RBFOX1: variants seen among roughly 807,000 people sequenced by gnomAD.
RBFOX1 encodes RNA binding fox-1 homolog 1, also known as RNA binding protein fox-1 homolog 1.
RBFOX1 carries 8 observed loss-of-function variants against 57.7 expected under a neutral mutation model. The ratio of observed to expected loss-of-function variants is 0.14; its 90% CI spans 0.08 to 0.25. The LOEUF is 0.25. RBFOX1 is among the 10% of genes least tolerant of loss of function. The probability of loss-of-function intolerance (pLI) is 1.00; values close to 1 mark genes in which losing one functional copy is unlikely to be tolerated. For synonymous variants in RBFOX1, 326 were observed against 222.4 expected (o/e 1.47, Z -4.15); for missense variants, 611 against 548.5 (o/e 1.11, Z -1.14).
At chr16:6,279,930 C>A (rs1036262723) in intron 1 of RBFOX1, among the ~76,000 whole-genome samples, 1 of 151,486 alleles carries the variant, frequency 6.6e-6, no homozygotes, top group African/African-American at 2.4e-5. Context: ...AAGTAAATTG[C>A]ATGCTAATGA....
chr16:7,251,073 A>G (rs1882589), intron 4 of RBFOX1, among the ~76,000 whole-genome samples: 58,078 of 151,898 alleles, frequency 0.38, 11,887 homozygotes, highest in Middle Eastern at 0.52. Flanking sequence ...GTCATTAACT[A>G]TAGTCACCAT....
At chr16:5,272,175 T>A (rs1362645461) in intron 1 of RBFOX1, among the ~76,000 whole-genome samples, 3 of 152,178 alleles carry the variant, frequency 2.0e-5, no homozygotes, top group Non-Finnish European at 2.9e-5. Flanking sequence ...GTGACTATAG[T>A]CAATAATAAA....
chr16:5,490,298 T>C (rs774645360), intron 2 of RBFOX1, among the ~76,000 whole-genome samples: 6 of 152,224 alleles, frequency 3.9e-5, no homozygotes, highest in Non-Finnish European at 8.8e-5. Context: ...CATTAAGTCC[T>C]CATTGCAACC....
intron 3 of RBFOX1, among the ~76,000 whole-genome samples, chr16:5,655,762 G>A (rs959907581): frequency 2.0e-5 from 3 of 152,188 alleles, no homozygotes; most frequent in Non-Finnish European, 2.9e-5. Flanking sequence ...GTTGGAAAGC[G>A]AAAATAGCCC....
chr16:7,214,458 C>T (rs938569480), intron 4 of RBFOX1, among the ~76,000 whole-genome samples: 3 of 152,012 alleles, frequency 2.0e-5, no homozygotes, highest in African/African-American at 7.2e-5. Flanking sequence ...CGTGTCTTGC[C>T]ATGCCTCTCC....
chr16:6,788,060 T>A (rs919297948), intron 3 of RBFOX1, among the ~76,000 whole-genome samples: 1 of 151,988 alleles, frequency 6.6e-6, no homozygotes, highest in African/African-American at 2.4e-5. Context: ...CCATCTCTAC[T>A]AAAAATACAA....
At chr16:7,134,029 C>A (rs1325668802) in intron 4 of RBFOX1, among the ~76,000 whole-genome samples, 2 of 152,186 alleles carry the variant, frequency 1.3e-5, no homozygotes, top group African/African-American at 4.8e-5. Flanking sequence ...TACTGTGCTT[C>A]AGTAAATTTA....
At chr16:5,703,993 C>T (rs1267122551) in intron 3 of RBFOX1, among the ~76,000 whole-genome samples, 2 of 152,128 alleles carry the variant, frequency 1.3e-5, no homozygotes, top group Non-Finnish European at 2.9e-5. Flanking sequence ...GTTACATGGT[C>T]GCTCAGATCT....
At chr16:6,127,284 TAAAA>T (rs1277656888) in intron 1 of RBFOX1, among the ~76,000 whole-genome samples, 60 of 145,852 alleles carry the variant, frequency 4.1e-4, no homozygotes, top group South Asian at 1.5e-3. Context: ...TCTCTTTTTT[TAAAA>T]AAAAAAAAAA....
At chr16:5,591,473 A>C (rs578036803) in intron 2 of RBFOX1, among the ~76,000 whole-genome samples, 2 of 151,918 alleles carry the variant, frequency 1.3e-5, no homozygotes, top group Admixed American at 6.6e-5. Flanking sequence ...TTGGTCTCGT[A>C]CTCCTGACCT....
In RBFOX1 at chr16:6,507,315, CAAATT is replaced by C. The variant is rs575205792; in HGVS notation, c.-63-147283_-63-147279del. ...CAATAAAAAAGAGGTGGAAGCAACT[CAAATT>C]AAATGGGTATACAGAATGTGGTTTG... On this transcript the variant is annotated intron_variant, in intron 2 of 15. Transcript: ENST00000550418. Among the ~76,000 whole-genome samples, 14 of 152,136 alleles carry C rather than the reference CAAATT, an allele frequency of 9.2e-5. No homozygotes were observed. The South Asian group carries it at 2.1e-3, about 23-fold the overall frequency.
At chr16:7,123,246 C>T (rs1225132577) in intron 4 of RBFOX1, among the ~76,000 whole-genome samples, 3 of 152,154 alleles carry the variant, frequency 2.0e-5, no homozygotes, top group African/African-American at 4.8e-5. Context: ...GATAAAGTCT[C>T]TGCATATTTT....
At chr16:7,504,784 TATTTA>T in intron 4 of RBFOX1, among the ~76,000 whole-genome samples, 1 of 19,480 alleles carries the variant, frequency 5.1e-5, no homozygotes, top group African/African-American at 1.3e-4. Context: ...TATATATATA[TATTTA>T]TATATATATA....
chr16:6,898,402 C>T (rs529034050), intron 3 of RBFOX1, among the ~76,000 whole-genome samples: 3 of 152,288 alleles, frequency 2.0e-5, no homozygotes, highest in African/African-American at 7.2e-5. Context: ...ACCCCAGCCC[C>T]TGACATTTCA....
chr16:6,057,576 A>AG (rs138959177), intron 1 of RBFOX1, among the ~76,000 whole-genome samples: 6,910 of 152,156 alleles, frequency 0.045, 269 homozygotes, highest in African/African-American at 0.1. Flanking sequence ...AAAGGGAAAA[A>AG]GAAAAAAAAA....
chr16:5,526,267 G>A (rs2151023201), intron 2 of RBFOX1, among the ~76,000 whole-genome samples: 1 of 147,738 alleles, frequency 6.8e-6, no homozygotes, highest in South Asian at 2.1e-4. Context: ...CTAAGCAACA[G>A]AAACTGTTTC....
At chr16:5,370,198 C>T (rs1364489683) in intron 1 of RBFOX1, among the ~76,000 whole-genome samples, 4 of 152,138 alleles carry the variant, frequency 2.6e-5, no homozygotes, top group Admixed American at 2.6e-4. Context: ...TCCTGACACC[C>T]CACAGGCTAT....
chr16:6,361,628 T>TTAAAAAAAAAAAAAAAAAAAAAAAAAAA (rs1371587081), intron 2 of RBFOX1, among the ~76,000 whole-genome samples: 3 of 127,952 alleles, frequency 2.3e-5, no homozygotes, highest in African/African-American at 8.7e-5. Flanking sequence ...ACTCTGTCTC[T>TTAAAAAAAAAAAAAAAAAAAAAAAAAAA]AAAAAAAAAA....
intron 1 of RBFOX1, among the ~76,000 whole-genome samples, chr16:6,213,497 C>T (rs1325350937): frequency 6.6e-6 from 1 of 152,192 alleles, no homozygotes; most frequent in Non-Finnish European, 1.5e-5. Context: ...TCTCTGGCTG[C>T]CTTGACACTC....
Sources: gnomAD v4.1 joint callset for allele counts (sites outside exome capture counted in the v4.1 genomes callset) on GRCh38, gnomAD v4.1.1 for gene constraint, MANE v1.5 for transcripts, NCBI Gene and HGNC (gene_info 2026-07-23, HGNC 2026-07-21) for gene names.